The following EXD2 variants were observed in gnomAD, a reference collection of about 807,000 sequenced individuals.
EXD2 encodes exonuclease 3'-5' domain containing 2, also known as exonuclease 3'-5' domain-containing protein 2.
In EXD2, 40 loss-of-function variants were observed where a neutral mutation model predicts 62.5. That is an observed-to-expected ratio of 0.64 (90% CI 0.50 to 0.83). The LOEUF is 0.83. Ranked by LOEUF, EXD2 falls within the 40% of genes least tolerant of loss-of-function variation. The probability of loss-of-function intolerance (pLI) is 0.00; values close to 1 mark genes in which losing one functional copy is unlikely to be tolerated. For synonymous variants in EXD2, 239 were observed against 291.9 expected (o/e 0.82, Z 1.85); for missense variants, 671 against 761.8 (o/e 0.88, Z 1.40).
chr14:69,228,724 G>A, intron 3 of EXD2, 92 bp from the exon 4 acceptor site: 1 of 1,489,566 alleles, frequency 6.7e-7, no homozygotes, highest in South Asian at 1.3e-5. Context: ...GGAAGTTAAG[G>A]ATGTACCTCT....
chr14:69,236,478 G>A lies in EXD2; in HGVS notation c.1228G>A (p.Asp410Asn). ...TGCAGGAAGGCCCGAATCTCCTGGA[G>A]ACTATTACTTGATGGTTAAAGAGAA... ...EPAGRPESPG[D>N]YYLMVKENLC... The change falls in exon 8 of 10, where the codon GAC (aspartate) becomes AAC (asparagine). Residue 410 changes from aspartate to asparagine, a missense_variant. Physicochemically the swap from Asp to Asn is conservative, Grantham distance 23. Coordinates refer to ENST00000685843, the MANE Select transcript of EXD2 (RefSeq NM_001193360.2). The A allele has an allele frequency of 6.2e-7, 1 of 1,614,154 alleles. No individual in the cohort carries two copies. Among genetic ancestry groups the A allele is most frequent in the African/African-American group, 1.3e-5 (1 of 75,028 alleles).
At chr14:69,209,232 G>C (rs974000116) in intron 2 of EXD2, 192 bp from the exon 3 acceptor site, 1 of 335,066 alleles carries the variant, frequency 3.0e-6, no homozygotes, top group Non-Finnish European at 5.4e-6. Context: ...TGAGGATGGA[G>C]ATAGAGATGG....
In EXD2 at chr14:69,236,146, A is replaced by T; in HGVS notation, c.1150A>T (p.Ile384Phe). 6.2e-7 allele frequency: 1 copy of T among 1,613,250 alleles called. No homozygotes were observed. Among genetic ancestry groups the T allele is most frequent in the Non-Finnish European group, 8.5e-7 (1 of 1,179,212 alleles). Residue 384 changes from isoleucine to phenylalanine, a missense_variant, in exon 7 of 10, where the codon ATT becomes TTT. Ile to Phe is a conservative substitution (Grantham distance 21). Coordinates refer to ENST00000685843, the MANE Select transcript of EXD2 (RefSeq NM_001193360.2). ...AGCTCAGTGGTACCTGGACAAAGGC[A>T]TTGGTGGTATGAGATTCAGCTGTCC... The part of the protein sequence containing the change: ...RKAQWYLDKG[I>F]GELVSEEPFV...
intron 3 of EXD2, chr14:69,214,094 T>C (rs1043302082): frequency 2.0e-5 from 3 of 152,218 alleles, no homozygotes; most frequent in African/African-American, 4.8e-5. Flanking sequence ...CAGTTTATCA[T>C]TTTCAGGATA....
At chr14:69,235,670 C>A in intron 6 of EXD2, 1 of 304,624 alleles carries the variant, frequency 3.3e-6, no homozygotes, top group Non-Finnish European at 6.3e-6. Context: ...TCCACATGGC[C>A]CTCATTACTT....
intron 5 of EXD2, among the ~76,000 whole-genome samples, chr14:69,230,927 T>A (rs1262241046): frequency 6.6e-6 from 1 of 152,116 alleles, no homozygotes; most frequent in Non-Finnish European, 1.5e-5. Context: ...AGATTACAGA[T>A]GTGCACCACC....
chr14:69,228,729 A>T, intron 3 of EXD2, 87 bp from the exon 4 acceptor site: 1 of 1,501,834 alleles, frequency 6.7e-7, no homozygotes, highest in Admixed American at 2.1e-5. Flanking sequence ...TTAAGGATGT[A>T]CCTCTTAGAC....
chr14:69,194,295 C>T (rs570896364), intron 1 of EXD2, among the ~76,000 whole-genome samples: 8 of 151,938 alleles, frequency 5.3e-5, no homozygotes, highest in Non-Finnish European at 1.2e-4. Flanking sequence ...CCCACCACCT[C>T]GCTTGGCTAA....
At chr14:69,236,630 T>C in intron 8 of EXD2, 88 bp downstream of exon 8, 13 of 1,558,070 alleles carry the variant, frequency 8.3e-6, no homozygotes, top group Non-Finnish European at 1.1e-5. Context: ...GGGCTGTGGC[T>C]GAGTCTGTCC....
At chr14:69,236,004 A>T (rs1362148788) in intron 6 of EXD2, 42 bp from the exon 7 acceptor site, 3 of 1,481,694 alleles carry the variant, frequency 2.0e-6, no homozygotes, top group Non-Finnish European at 2.8e-6. Flanking sequence ...TTTGACCCAC[A>T]GTTAGCTTCC....
chr14:69,194,089 G>A (rs1207339876), intron 1 of EXD2, among the ~76,000 whole-genome samples: 1 of 150,536 alleles, frequency 6.6e-6, no homozygotes, highest in East Asian at 1.9e-4. Context: ...CTGGAATTGT[G>A]TGTGTGTGAT....
chr14:69,231,698 C>A (rs1296332224), intron 5 of EXD2, among the ~76,000 whole-genome samples: 2 of 152,050 alleles, frequency 1.3e-5, no homozygotes, highest in African/African-American at 4.8e-5. Flanking sequence ...CTCCTAGAGC[C>A]CTCTATCATC....
intron 9 of EXD2, chr14:69,239,248 C>T (rs1233190149): frequency 6.6e-6 from 1 of 152,204 alleles, no homozygotes; most frequent in Non-Finnish European, 1.5e-5. Flanking sequence ...GCACGTGGCT[C>T]AGATGGTAAG....
At chr14:69,222,354 G>C (rs2043214787) in intron 3 of EXD2, among the ~76,000 whole-genome samples, 1 of 151,734 alleles carries the variant, frequency 6.6e-6, no homozygotes, top group African/African-American at 2.4e-5. Flanking sequence ...CTGTTCTCTT[G>C]GATATAATTT....
Position 69,241,886 on chromosome 14 carries a change from C to G in EXD2, c.*786C>G, listed in dbSNP as rs1391127109. On this transcript the variant is annotated 3_prime_UTR_variant, in exon 10 of 10. Transcript: ENST00000685843. Reference sequence around the variant, plus strand: ...TGTTTGTTGCCTGCTTGTTGCACTCCTCCTGCCCCAGAACTGCAAGATTTT... The same window carrying G: ...TGTTTGTTGCCTGCTTGTTGCACTCGTCCTGCCCCAGAACTGCAAGATTTT... 2 of 398,920 alleles carry G rather than the reference C, an allele frequency of 5.0e-6. No homozygotes were observed. Among genetic ancestry groups the G allele is most frequent in the African/African-American group, 4.1e-5 (2 of 48,626 alleles). The allele number at this position is 398,920 out of a possible 1,614,324, so 24.7% of individuals were successfully genotyped here.
chr14:69,202,874 A>G (rs1566817243), intron 1 of EXD2, among the ~76,000 whole-genome samples: 1 of 152,242 alleles, frequency 6.6e-6, no homozygotes, highest in Admixed American at 6.5e-5. Context: ...TAAATTACAA[A>G]TATATAAAAT....
chr14:69,236,194 A>G, intron 7 of EXD2, 42 bp downstream of exon 7: 1 of 1,566,578 alleles, frequency 6.4e-7, no homozygotes. Context: ...AATTAGGTGC[A>G]TTGGATGCTG....
intron 1 of EXD2, among the ~76,000 whole-genome samples, chr14:69,200,058 GC>G (rs1481207119): frequency 6.6e-6 from 1 of 152,146 alleles, no homozygotes; most frequent in East Asian, 1.9e-4. Context: ...GGTTAGGATG[GC>G]TATGATGTCA....
At chr14:69,223,368 C>A (rs1436564070) in intron 3 of EXD2, among the ~76,000 whole-genome samples, 1 of 152,172 alleles carries the variant, frequency 6.6e-6, no homozygotes, top group Non-Finnish European at 1.5e-5. Flanking sequence ...CTTGTTATCC[C>A]TAGTCTTCCC....
Sources: gnomAD v4.1 joint callset for allele counts (sites outside exome capture counted in the v4.1 genomes callset) on GRCh38, gnomAD v4.1.1 for gene constraint, MANE v1.5 for transcripts, NCBI Gene and HGNC (gene_info 2026-07-23, HGNC 2026-07-21) for gene names.